Variants in TRPM2 observed in about 807,000 individuals in gnomAD.
TRPM2 encodes transient receptor potential cation channel subfamily M member 2.
In TRPM2, 161 loss-of-function variants were observed where a neutral mutation model predicts 174.0. That is an observed-to-expected ratio of 0.93 (90% CI 0.81 to 1.05). The LOEUF is 1.05. Ranked by LOEUF, TRPM2 falls within the 50% of genes least tolerant of loss-of-function variation. The pLI, the probability that TRPM2 is intolerant of heterozygous loss-of-function variation, is 0.00. For synonymous variants in TRPM2, 954 were observed against 861.3 expected (o/e 1.11, Z -1.88); for missense variants, 2,057 against 2,038.0 (o/e 1.01, Z -0.18).
intron 16 of TRPM2, among the ~76,000 whole-genome samples, chr21:44,404,519 T>C (rs1337880161): frequency 6.6e-6 from 1 of 152,226 alleles, no homozygotes. Flanking sequence ...TATTCTGCAT[T>C]GTTCCTCCAC....
chr21:44,433,575 A>C (rs1310668550), intron 27 of TRPM2, among the ~76,000 whole-genome samples: 1 of 152,014 alleles, frequency 6.6e-6, no homozygotes, highest in Non-Finnish European at 1.5e-5. Flanking sequence ...GGCAGCAGTG[A>C]CCCTCGCAGG....
chr21:44,412,469 T>C (rs1399637112), intron 19 of TRPM2, among the ~76,000 whole-genome samples: 1 of 152,188 alleles, frequency 6.6e-6, no homozygotes, highest in Non-Finnish European at 1.5e-5. Context: ...TTTTAGCAAT[T>C]TGAGCCTTCT....
chr21:44,356,344 C>T (rs1328603087), intron 2 of TRPM2, among the ~76,000 whole-genome samples: 1 of 151,202 alleles, frequency 6.6e-6, no homozygotes, highest in African/African-American at 2.4e-5. Context: ...ACTCCAGCCT[C>T]GGAGCTCACC....
At chr21:44,374,590 G>C (rs948164053) in intron 5 of TRPM2, among the ~76,000 whole-genome samples, 4 of 152,162 alleles carry the variant, frequency 2.6e-5, no homozygotes, top group Non-Finnish European at 4.4e-5. Flanking sequence ...GGGGGACAGT[G>C]ACAGATCATT....
At chr21:44,406,081 G>T in intron 18 of TRPM2, 44 bp downstream of exon 18, 9 of 1,596,332 alleles carry the variant, frequency 5.6e-6, no homozygotes, top group Non-Finnish European at 7.6e-6. Flanking sequence ...CTGCAGCCCA[G>T]GGTGGGCCTC....
rs918670149 is a variant in TRPM2, at chr21:44,367,050, G to C, written c.604+116G>C. 6 of 1,281,510 alleles carry C rather than the reference G, an allele frequency of 4.7e-6. No individual in the cohort carries two copies. The Middle Eastern group carries it at 1.7e-3, about 358-fold the overall frequency. The allele number at this position is 1,281,510 out of a possible 1,614,324, so 79.4% of individuals were successfully genotyped here. A position where few individuals can be genotyped will look rare whatever the true frequency, so the allele number is the denominator to read the frequency against. The stretch of plus-strand genomic sequence containing the variant: ...AAAGTCCCTGGGAGCCGCCGAGGCT[G>C]TGCCCCAGCCTGAGTCGGACCCATG... On this transcript the variant is annotated intron_variant, in intron 4 of 31. Transcript: ENST00000397928. The surrounding 1 kb of genome is among the most constrained non-coding windows in gnomAD (Gnocchi z 4.6).
intron 13 of TRPM2, 28 bp downstream of exon 13, chr21:44,397,904 G>A (rs1340855769): frequency 3.2e-6 from 5 of 1,564,634 alleles, no homozygotes; most frequent in Non-Finnish European, 4.3e-6. Flanking sequence ...CGGGCTGCAG[G>A]CCATGGCTCA....
chr21:44,405,910 T>TC lies in TRPM2; in HGVS notation c.2666dup (p.Ala890GlyfsTer29), dbSNP rs1290905466. 3.7e-6 allele frequency: 6 copies of TC among 1,602,710 alleles called. No individual in the cohort carries two copies. In the African/African-American group the frequency reaches 8.0e-5, roughly 21 times the overall value. On this transcript the variant is annotated frameshift_variant, in exon 18 of 32. Transcript: ENST00000397928. LOFTEE classifies it high-confidence loss of function. ...TGCTTCTGCCCGGCGGCCAGGCTCA[T>TC]CCCGGCGACGCTGTACCCCGGGCGC...
Position 44,407,064 on chromosome 21 carries a change from CCT to C in TRPM2, c.2962+300_2962+301del, listed in dbSNP as rs765879736. 1.0e-3 allele frequency among the ~76,000 whole-genome samples: 149 copies of C among 148,456 alleles called. 1 individual carries two copies. Among genetic ancestry groups the C allele is most frequent in the Non-Finnish European group, 1.9e-3 (125 of 66,908 alleles). On this transcript the variant is annotated intron_variant, in intron 19 of 31. Transcript: ENST00000397928. ...ACAGCCCCCTGAAATGGAATGTCAC[CCT>C]GTATCCCCTTTCCCTCTCACCTCAA...
chr21:44,401,712 G>A lies in TRPM2; in HGVS notation c.2353G>A (p.Ala785Thr), dbSNP rs550484669. ...GAGGCTGCAGGATGTGGGCACCCCCGCGGCCCGCGCCCGTGCCTTCTTCAC... is the reference window on the plus strand; with the variant it reads ...GAGGCTGCAGGATGTGGGCACCCCCACGGCCCGCGCCCGTGCCTTCTTCAC... ...EKRLQDVGTP[A>T]ARARAFFTAP... Residue 785 changes from alanine to threonine, a missense_variant, in exon 16 of 32, where the codon GCG becomes ACG. Coordinates refer to ENST00000397928, the MANE Select transcript of TRPM2 (RefSeq NM_003307.4). 25 of 1,613,210 alleles carry A rather than the reference G, an allele frequency of 1.5e-5. No homozygotes were observed. Among genetic ancestry groups the A allele is most frequent in the African/African-American group, 4.0e-5 (3 of 75,048 alleles).
chr21:44,403,457 AACAC>A (rs372025495), intron 16 of TRPM2, among the ~76,000 whole-genome samples: 1 of 152,044 alleles, frequency 6.6e-6, no homozygotes, highest in Non-Finnish European at 1.5e-5. Flanking sequence ...GCGCTGCTCC[AACAC>A]ACACACACAT....
At chr21:44,365,100 T>C (rs2048322137) in intron 3 of TRPM2, among the ~76,000 whole-genome samples, 1 of 150,334 alleles carries the variant, frequency 6.7e-6, no homozygotes, top group African/African-American at 2.5e-5. Flanking sequence ...TGGAGGGTTC[T>C]GAGACTTGTG....
At chr21:44,395,742 C>A (rs79609453) in intron 12 of TRPM2, among the ~76,000 whole-genome samples, 191 bp downstream of exon 12, 3 of 340 alleles carry the variant, frequency 8.8e-3, no homozygotes, top group South Asian at 0.25. Flanking sequence ...GATGTGGAGG[C>A]TGTGGAGGGG....
chr21:44,400,753 C>A (rs1472968405), intron 15 of TRPM2, among the ~76,000 whole-genome samples: 1 of 32,786 alleles, frequency 3.1e-5, no homozygotes, highest in African/African-American at 5.1e-5. Context: ...TGAGTGCCTC[C>A]CTGTCCTCGC....
Position 44,391,438 on chromosome 21 carries a change from T to C in TRPM2, c.1607T>C (p.Leu536Pro). 1 of 1,613,964 alleles carries C rather than the reference T, an allele frequency of 6.2e-7. No homozygotes were observed. The highest frequency in any genetic ancestry group is 8.5e-7 in the Non-Finnish European group (1 of 1,180,036). Residue 536 changes from leucine (L) to proline (P), a missense_variant, in exon 11 of 32, where the codon CTG becomes CCG. Physicochemically the swap from Leu to Pro is moderately conservative, Grantham distance 98. Coordinates refer to ENST00000397928, the MANE Select transcript of TRPM2 (RefSeq NM_003307.4). This position sits in a 1 kb window ranked among gnomAD's most constrained non-coding sequence, Gnocchi z 5.0. ...LDPSCLFHSK[L>P]QKVLVEDPER... ...CCCTCCTGCCTGTTCCACAGCAAGC[T>C]GCAGAAGGTGCTGGTGGAGGATCCC... is the stretch of plus-strand genomic sequence containing the variant.
intron 3 of TRPM2, among the ~76,000 whole-genome samples, chr21:44,365,071 C>T (rs953703200): frequency 2.4e-3 from 348 of 145,836 alleles, no homozygotes; most frequent in African/African-American, 7.9e-3. Flanking sequence ...TTCTGAGACT[C>T]GCGTGTTGAC....
intron 19 of TRPM2, among the ~76,000 whole-genome samples, chr21:44,407,181 C>G (rs1320358108): frequency 7.5e-6 from 1 of 133,020 alleles, no homozygotes; most frequent in Non-Finnish European, 1.6e-5. Context: ...GGGTTTTGCT[C>G]TGTCACCCAG....
At chr21:44,362,520 A>G (rs550634134) in intron 2 of TRPM2, among the ~76,000 whole-genome samples, 107 of 152,096 alleles carry the variant, frequency 7.0e-4, no homozygotes, top group African/African-American at 2.2e-3. Flanking sequence ...TTCAAGAAAA[A>G]AAAAAAAGAA....
In TRPM2 at chr21:44,438,933, TGCCGCCTGCCTGTGGCTCCCAGGGCTGG is replaced by T. The variant is rs2051382608; in HGVS notation, c.4168-128_4168-101del. On this transcript the variant is annotated intron_variant, in intron 29 of 31. Coordinates refer to ENST00000397928, the MANE Select transcript of TRPM2 (RefSeq NM_003307.4). The surrounding 1 kb of genome is among the most constrained non-coding windows in gnomAD (Gnocchi z 5.9). Reference sequence around the variant, plus strand: ...TGGGCAATGTCACTGCAGCCTGAGATGCCGCCTGCCTGTGGCTCCCAGGGCTGGGCCGCTGCCCACGCCGGGCAGGAGG... The same window carrying T: ...TGGGCAATGTCACTGCAGCCTGAGATGCCGCTGCCCACGCCGGGCAGGAGG... 2.2e-5 allele frequency: 14 copies of T among 642,404 alleles called. No homozygotes were observed. The South Asian group carries it at 2.6e-4, about 12-fold the overall frequency. The allele number at this position is 642,404 out of a possible 1,614,324, so 39.8% of individuals were successfully genotyped here.
Sources: gnomAD v4.1 joint callset for allele counts (sites outside exome capture counted in the v4.1 genomes callset) on GRCh38, gnomAD v4.1.1 for gene constraint, Gnocchi (gnomAD v3.1) non-coding constraint, MANE v1.5 for transcripts, NCBI Gene and HGNC (gene_info 2026-07-23, HGNC 2026-07-21) for gene names.